VWA8: variants seen among roughly 807,000 people sequenced by gnomAD.
The protein encoded by VWA8 is von Willebrand factor A domain containing 8.
In VWA8, 221 loss-of-function variants were observed where a neutral mutation model predicts 241.5. That is an observed-to-expected ratio of 0.91 (90% CI 0.82 to 1.02). The LOEUF (loss-of-function observed/expected upper bound fraction) is 1.02, where lower values mean the gene tolerates loss of function less well. Ranked by LOEUF, VWA8 falls within the 50% of genes least tolerant of loss-of-function variation. VWA8 has a pLI of 0.00. For missense variants in VWA8, 2,322 were observed against 2,328.7 expected, an observed-to-expected ratio of 1.00 and a Z score of 0.06; for synonymous variants, 852 against 827.1, an observed-to-expected ratio of 1.03 and a Z score of -0.52.
chr13:41,770,111 T>C (rs917242104), intron 20 of VWA8, among the ~76,000 whole-genome samples: 6 of 151,740 alleles, frequency 4.0e-5, no homozygotes, highest in African/African-American at 9.7e-5. Context: ...GCAAACAACA[T>C]GAAAAATGGG....
chr13:41,658,977 G>T (rs905020530), intron 37 of VWA8, among the ~76,000 whole-genome samples: 1 of 152,160 alleles, frequency 6.6e-6, no homozygotes, highest in Non-Finnish European at 1.5e-5. Context: ...TTAGGCCTGT[G>T]TCTCCTTAAG....
In VWA8 at chr13:41,669,512, G is replaced by A. The variant is rs531612894; in HGVS notation, c.4611+1434C>T. Reference sequence around the variant, plus strand: ...TGTATATATAGCCAGAGAAGTAACTGGAAGAGAAGGCCTACATGATTAAAA... The same window carrying A: ...TGTATATATAGCCAGAGAAGTAACTAGAAGAGAAGGCCTACATGATTAAAA... On this transcript the variant is annotated intron_variant, in intron 37 of 44. Transcript: ENST00000379310. 2.3e-4 allele frequency among the ~76,000 whole-genome samples: 35 copies of A among 152,238 alleles called. 1 individual carries two copies. The highest frequency in any genetic ancestry group is 6.8e-3 in the Middle Eastern group (2 of 294).
At chr13:41,787,348 G>GTT (rs1180701053) in intron 18 of VWA8, 89 bp downstream of exon 18, 3 of 1,090,464 alleles carry the variant, frequency 2.8e-6, no homozygotes, top group Non-Finnish European at 4.0e-6. Context: ...CTGTTTAACT[G>GTT]TTTATTTTAA....
intron 20 of VWA8, among the ~76,000 whole-genome samples, chr13:41,775,822 C>A (rs1303866535): frequency 2.0e-5 from 3 of 152,168 alleles, no homozygotes; most frequent in African/African-American, 7.2e-5. Context: ...CAGAGGCAAA[C>A]CTCTGTTCTA....
At chr13:41,677,202 G>A (rs1057513122) in intron 35 of VWA8, among the ~76,000 whole-genome samples, 2 of 152,036 alleles carry the variant, frequency 1.3e-5, no homozygotes, top group Non-Finnish European at 2.9e-5. Flanking sequence ...GTTGGGGGAA[G>A]ATAAAGAGAT....
At chr13:41,810,297 T>A (rs1478268284) in intron 17 of VWA8, among the ~76,000 whole-genome samples, 2 of 151,828 alleles carry the variant, frequency 1.3e-5, no homozygotes, top group East Asian at 3.9e-4. Flanking sequence ...AGAAAGAAAA[T>A]CCATATATTG....
intron 37 of VWA8, among the ~76,000 whole-genome samples, chr13:41,661,905 C>G (rs1464059634): frequency 6.6e-6 from 1 of 152,124 alleles, no homozygotes; most frequent in Non-Finnish European, 1.5e-5. Flanking sequence ...TGTTGACTAT[C>G]CTTTCTCCAT....
chr13:41,850,518 T>C (rs1872486513), intron 12 of VWA8, among the ~76,000 whole-genome samples: 1 of 152,140 alleles, frequency 6.6e-6, no homozygotes, highest in Admixed American at 6.5e-5. Flanking sequence ...TTAGGTCCCA[T>C]CAACCCAAGT....
intron 34 of VWA8, 137 bp from the exon 35 acceptor site, chr13:41,685,379 G>A (rs2045129202): frequency 1.2e-6 from 1 of 863,308 alleles, no homozygotes; most frequent in Non-Finnish European, 1.7e-6. Context: ...TTATTGGCTG[G>A]GTACAGTGGC....
intron 21 of VWA8, among the ~76,000 whole-genome samples, chr13:41,744,963 G>A (rs868800985): frequency 6.6e-6 from 1 of 151,754 alleles, no homozygotes; most frequent in African/African-American, 2.4e-5. Flanking sequence ...TCAGCCTCCC[G>A]AGTAGCTGGG....
At chr13:41,797,269 T>C (rs181120073) in intron 17 of VWA8, among the ~76,000 whole-genome samples, 2 of 151,784 alleles carry the variant, frequency 1.3e-5, no homozygotes, top group East Asian at 1.9e-4. Context: ...CTTGAACTTC[T>C]GACCTCATGA....
chr13:41,950,915 C>A (rs756972454), intron 1 of VWA8, among the ~76,000 whole-genome samples: 1 of 151,630 alleles, frequency 6.6e-6, no homozygotes, highest in Non-Finnish European at 1.5e-5. Flanking sequence ...GTGATCCGCC[C>A]ACCTCGGCCT....
chr13:41,918,321 C>T (rs763864418), intron 2 of VWA8, among the ~76,000 whole-genome samples: 3 of 152,158 alleles, frequency 2.0e-5, no homozygotes, highest in Non-Finnish European at 4.4e-5. Flanking sequence ...CAGCACAGTG[C>T]TCAGCACAGA....
chr13:41,885,229 A>G (rs1874464945), intron 8 of VWA8, among the ~76,000 whole-genome samples: 2 of 152,214 alleles, frequency 1.3e-5, no homozygotes, highest in Non-Finnish European at 2.9e-5. Flanking sequence ...TTAGGGATAC[A>G]ACTTATTCTC....
intron 37 of VWA8, among the ~76,000 whole-genome samples, chr13:41,667,940 T>C (rs1467701357): frequency 6.6e-6 from 1 of 152,206 alleles, no homozygotes; most frequent in Non-Finnish European, 1.5e-5. Context: ...GAACACATTT[T>C]ATATGTAGAG....
intron 9 of VWA8, among the ~76,000 whole-genome samples, chr13:41,869,494 T>C (rs896338224): frequency 6.6e-6 from 1 of 151,834 alleles, no homozygotes; most frequent in African/African-American, 2.4e-5. Context: ...TAGCTGGGCA[T>C]GGTGGCACGC....
rs760675952 is a variant in VWA8, at chr13:41,689,357, GAGATCTGGAAAACCAACAACTA to G, written c.4106_4127del (p.Ile1369ThrfsTer42). On this transcript the variant is annotated frameshift_variant, in exon 34 of 45. Coordinates refer to ENST00000379310, the MANE Select transcript of VWA8 (RefSeq NM_015058.2). LOFTEE classifies it high-confidence loss of function. ...AATTTAAAAAATGGGTGCTTACCAT[GAGATCTGGAAAACCAACAACTA>G]TTGTAGCATAATTTTTCTCATCTGA... 3.7e-6 allele frequency: 6 copies of G among 1,608,704 alleles called. No individual in the cohort carries two copies. The Middle Eastern group carries it at 5.1e-4, about 135-fold the overall frequency.
intron 17 of VWA8, among the ~76,000 whole-genome samples, chr13:41,804,491 T>A (rs1870096715): frequency 6.6e-6 from 1 of 151,620 alleles, no homozygotes; most frequent in African/African-American, 2.4e-5. Context: ...ATGTCACACT[T>A]GTCCTACAAG....
At chr13:41,745,261 G>T (rs920339733) in intron 21 of VWA8, among the ~76,000 whole-genome samples, 1 of 151,946 alleles carries the variant, frequency 6.6e-6, no homozygotes, top group East Asian at 1.9e-4. Flanking sequence ...TTTACATTAG[G>T]TATTTCTCCT....
Sources: gnomAD v4.1 joint callset for allele counts (sites outside exome capture counted in the v4.1 genomes callset) on GRCh38, gnomAD v4.1.1 for gene constraint, MANE v1.5 for transcripts, NCBI Gene and HGNC (gene_info 2026-07-23, HGNC 2026-07-21) for gene names.